PGD: variants seen among roughly 807,000 people sequenced by gnomAD.
PGD encodes the protein phosphogluconate dehydrogenase.
A neutral mutation model predicts 60.4 loss-of-function variants in PGD; 21 were observed. The ratio of observed to expected loss-of-function variants is 0.35; its 90% CI spans 0.25 to 0.50. The LOEUF (loss-of-function observed/expected upper bound fraction) is 0.50, where lower values mean the gene tolerates loss of function less well. Among genes scored for constraint, PGD ranks in the 20% least tolerant of loss-of-function variants. The pLI is 0.98. For missense variants in PGD, 477 were observed against 613.1 expected, an observed-to-expected ratio of 0.78 and a Z score of 2.34; for synonymous variants, 230 against 235.9, an observed-to-expected ratio of 0.97 and a Z score of 0.23.
chr1:10,416,738 G>A (rs1036209990), intron 8 of PGD, among the ~76,000 whole-genome samples: 2 of 152,154 alleles, frequency 1.3e-5, no homozygotes, highest in Non-Finnish European at 2.9e-5. Context: ...TGCTCAGTTG[G>A]GGAGGTTCTG....
intron 10 of PGD, among the ~76,000 whole-genome samples, chr1:10,417,958 C>T (rs1033777316): frequency 5.3e-5 from 8 of 152,192 alleles, no homozygotes; most frequent in African/African-American, 1.4e-4. Flanking sequence ...GTGATCTGCC[C>T]GCCTCAGCCT....
intron 8 of PGD, 39 bp downstream of exon 8, chr1:10,413,290 A>G (rs1346869088): frequency 1.3e-6 from 2 of 1,559,152 alleles, no homozygotes; most frequent in Non-Finnish European, 1.8e-6. Flanking sequence ...TTCGTCCACT[A>G]TTCTGATCTT....
intron 3 of PGD, among the ~76,000 whole-genome samples, 178 bp from the exon 4 acceptor site, chr1:10,402,893 A>G (rs770283803): frequency 6.6e-6 from 1 of 152,138 alleles, no homozygotes; most frequent in Non-Finnish European, 1.5e-5. Flanking sequence ...AGTCATGTTC[A>G]CACCACTGCA....
At chr1:10,404,510 G>A (rs753101793) in intron 5 of PGD, among the ~76,000 whole-genome samples, 1 of 149,340 alleles carries the variant, frequency 6.7e-6, no homozygotes, top group Non-Finnish European at 1.5e-5. Flanking sequence ...GATACCTGAC[G>A]TTCTAAATAG....
chr1:10,408,182 G>T (rs1639439929), intron 6 of PGD, 42 bp downstream of exon 6: 1 of 1,126,298 alleles, frequency 8.9e-7, no homozygotes, highest in South Asian at 1.2e-5. Flanking sequence ...GGCAACATGG[G>T]CGTGTCTAAG....
intron 5 of PGD, among the ~76,000 whole-genome samples, chr1:10,407,623 T>G (rs1639429379): frequency 1.3e-5 from 2 of 152,258 alleles, no homozygotes; most frequent in Admixed American, 1.3e-4. Flanking sequence ...ATTATCTTTT[T>G]GTGGGCACTT....
chr1:10,414,052 T>C (rs888967106), intron 8 of PGD, among the ~76,000 whole-genome samples: 16 of 152,100 alleles, frequency 1.1e-4, no homozygotes, highest in Admixed American at 2.6e-4. Flanking sequence ...TGAGACTCCA[T>C]CCCCTCCAAA....
chr1:10,407,324 C>T (rs577979769), intron 5 of PGD, among the ~76,000 whole-genome samples: 2 of 152,292 alleles, frequency 1.3e-5, no homozygotes, highest in African/African-American at 4.8e-5. Context: ...ATGGCACACA[C>T]CTGTAGCCCC....
chr1:10,399,551 G>A (rs1639275188), intron 1 of PGD, 78 bp from the exon 2 acceptor site: 1 of 1,325,252 alleles, frequency 7.5e-7, no homozygotes. Flanking sequence ...ACGGCCAAAT[G>A]TGGAAGGACC....
intron 1 of PGD, 156 bp from the exon 2 acceptor site, chr1:10,399,473 T>G (rs1639272828): frequency 1.5e-6 from 1 of 677,400 alleles, no homozygotes; most frequent in South Asian, 1.9e-5. Flanking sequence ...CGGCCGAGGC[T>G]CTGCAGCGTG....
intron 1 of PGD, 75 bp from the exon 2 acceptor site, chr1:10,399,554 G>A (rs976009925): frequency 1.5e-5 from 20 of 1,345,676 alleles, no homozygotes; most frequent in African/African-American, 2.9e-5. Flanking sequence ...GCCAAATGTG[G>A]AAGGACCGGA....
intron 8 of PGD, among the ~76,000 whole-genome samples, chr1:10,415,895 A>T (rs980743156): frequency 6.6e-6 from 1 of 152,232 alleles, no homozygotes; most frequent in Admixed American, 6.5e-5. Context: ...CAAATGAAGT[A>T]AAGTGGTTAA....
At chr1:10,399,565 C>G in intron 1 of PGD, 64 bp from the exon 2 acceptor site, 1 of 1,420,356 alleles carries the variant, frequency 7.0e-7, no homozygotes, top group Non-Finnish European at 9.9e-7. Context: ...AAGGACCGGA[C>G]CCCTGGGTTG....
chr1:10,401,418 C>T (rs1468017126), intron 3 of PGD, among the ~76,000 whole-genome samples: 1 of 152,154 alleles, frequency 6.6e-6, no homozygotes, highest in East Asian at 1.9e-4. Context: ...AAATGTTTTG[C>T]TGTAAGCAGT....
chr1:10,410,071 G>C (rs1034821766), intron 6 of PGD, among the ~76,000 whole-genome samples: 1 of 152,150 alleles, frequency 6.6e-6, no homozygotes, highest in African/African-American at 2.4e-5. Context: ...GAAGTGGCAG[G>C]AAGGGTAAGG....
chr1:10,414,523 C>T (rs1031844713), intron 8 of PGD, among the ~76,000 whole-genome samples: 9 of 151,858 alleles, frequency 5.9e-5, no homozygotes, highest in South Asian at 2.1e-4. Flanking sequence ...TACAGGCATG[C>T]GCTACCATGC....
At chr1:10,413,276 C>T in intron 8 of PGD, 25 bp downstream of exon 8, 1 of 1,595,350 alleles carries the variant, frequency 6.3e-7, no homozygotes, top group Non-Finnish European at 8.6e-7. Flanking sequence ...TTCACATGGG[C>T]CCTTTCGTCC....
intron 6 of PGD, among the ~76,000 whole-genome samples, chr1:10,409,589 C>A (rs1365608131): frequency 6.6e-6 from 1 of 150,388 alleles, no homozygotes; most frequent in Non-Finnish European, 1.5e-5. Flanking sequence ...CAGAGAGAGA[C>A]CCTGTCTCTT....
intron 6 of PGD, among the ~76,000 whole-genome samples, chr1:10,410,373 C>T (rs529053873): frequency 3.3e-5 from 5 of 151,970 alleles, no homozygotes; most frequent in African/African-American, 1.2e-4. Flanking sequence ...ACCCAGGAGG[C>T]AGGTGTTGTG....
Sources: allele counts gnomAD v4.1 joint callset (sites outside exome capture counted in the v4.1 genomes callset), GRCh38; gene constraint gnomAD v4.1.1; transcripts MANE v1.5; gene names NCBI Gene and HGNC (gene_info 2026-07-23, HGNC 2026-07-21).